The following TMBIM6 variants were observed in gnomAD, a reference collection of about 807,000 sequenced individuals.
The protein encoded by TMBIM6 is transmembrane BAX inhibitor motif containing 6.
In TMBIM6, 13 loss-of-function variants were observed where a neutral mutation model predicts 31.4. That is an observed-to-expected ratio of 0.41 (90% CI 0.27 to 0.66). TMBIM6 has a LOEUF of 0.66. Among genes scored for constraint, TMBIM6 ranks in the 30% least tolerant of loss-of-function variants. The pLI is 0.28. For missense variants in TMBIM6, 275 were observed against 289.5 expected, an observed-to-expected ratio of 0.95 and a Z score of 0.36; for synonymous variants, 85 against 101.7, an observed-to-expected ratio of 0.84 and a Z score of 0.99.
At chr12:49,742,946 A>G (rs1007128624) in intron 1 of TMBIM6, among the ~76,000 whole-genome samples, 1 of 141,264 alleles carries the variant, frequency 7.1e-6, no homozygotes, top group African/African-American at 2.6e-5. Context: ...TCCGTTATTT[A>G]TCTGGTTGTG....
intron 1 of TMBIM6, among the ~76,000 whole-genome samples, chr12:49,746,211 T>G (rs1170583745): frequency 6.6e-6 from 1 of 151,408 alleles, no homozygotes; most frequent in African/African-American, 2.4e-5. Context: ...GCCTCCCAAG[T>G]AGCTGGGATT....
In TMBIM6 at chr12:49,764,710, T is replaced by TAAAAAAAAA. The variant is rs917382791; in HGVS notation, c.*1818_*1826dup. 9.8e-6 allele frequency: 1 copy of TAAAAAAAAA among 101,780 alleles called. No homozygotes were observed. Among genetic ancestry groups the TAAAAAAAAA allele is most frequent in the Non-Finnish European group, 2.0e-5 (1 of 50,082 alleles). The allele number at this position is 101,780 out of a possible 1,614,324, so 6.3% of individuals were successfully genotyped here. On this transcript the variant is annotated 3_prime_UTR_variant, in exon 10 of 10. Transcript: ENST00000267115. Reference sequence around the variant, plus strand: ...AACAGTGCCAAGAATGACAAGATATTAAAAAAAAAAAAGAAAGAAAAAAAA... The same window carrying TAAAAAAAAA: ...AACAGTGCCAAGAATGACAAGATATTAAAAAAAAAAAAAAAAAAAAAGAAAGAAAAAAAA...
At chr12:49,746,450 A>G (rs1028717156) in intron 1 of TMBIM6, among the ~76,000 whole-genome samples, 1 of 152,220 alleles carries the variant, frequency 6.6e-6, no homozygotes, top group Admixed American at 6.5e-5. Flanking sequence ...TACACCAGTA[A>G]TAACAATGGT....
intron 9 of TMBIM6, 136 bp downstream of exon 9, chr12:49,761,915 G>C: frequency 1.2e-6 from 1 of 803,652 alleles, no homozygotes; most frequent in Non-Finnish European, 1.9e-6. Flanking sequence ...CTGAGTAAGA[G>C]GTAAGCCAGA....
chr12:49,752,850 T>C, intron 2 of TMBIM6, 123 bp from the exon 3 acceptor site: 1 of 937,152 alleles, frequency 1.1e-6, no homozygotes, highest in Admixed American at 2.7e-5. Flanking sequence ...CTAAAAGTAT[T>C]TCAAACTATT....
At chr12:49,755,584 A>T (rs771351905) in intron 3 of TMBIM6, 51 bp from the exon 4 acceptor site, 1 of 1,600,592 alleles carries the variant, frequency 6.2e-7, no homozygotes, top group Non-Finnish European at 8.5e-7. Flanking sequence ...CTTGCAAAAT[A>T]AATTTGAAAC....
At chr12:49,759,833 C>T (rs1260108065) in intron 8 of TMBIM6, among the ~76,000 whole-genome samples, 1 of 135,062 alleles carries the variant, frequency 7.4e-6, no homozygotes. Flanking sequence ...AGTGTGGGGG[C>T]CGGGCACGGT....
intron 3 of TMBIM6, 27 bp downstream of exon 3, chr12:49,753,108 C>T: frequency 6.3e-7 from 1 of 1,594,490 alleles, no homozygotes. Flanking sequence ...CTCCTGGTTG[C>T]TGTGGTACAA....
chr12:49,758,047 A>C (rs1483934071), intron 4 of TMBIM6, among the ~76,000 whole-genome samples, 180 bp from the exon 5 acceptor site: 1 of 152,130 alleles, frequency 6.6e-6, no homozygotes, highest in African/African-American at 2.4e-5. Flanking sequence ...AAAAAAAAAA[A>C]CAACGCAGTC....
intron 2 of TMBIM6, 39 bp from the exon 3 acceptor site, chr12:49,752,934 A>G: frequency 1.3e-6 from 2 of 1,566,546 alleles, no homozygotes; most frequent in Non-Finnish European, 1.8e-6. Flanking sequence ...TATGAGATTG[A>G]TCTGGGACTG....
At chr12:49,753,914 AC>A (rs1945541175) in intron 3 of TMBIM6, among the ~76,000 whole-genome samples, 1 of 145,804 alleles carries the variant, frequency 6.9e-6, no homozygotes, top group Admixed American at 6.8e-5. Flanking sequence ...CAAAATCAAT[AC>A]TCATGGCACT....
intron 4 of TMBIM6, among the ~76,000 whole-genome samples, chr12:49,756,726 TTTTTTTTG>T (rs1453681697): frequency 2.4e-4 from 35 of 147,516 alleles, no homozygotes; most frequent in African/African-American, 8.3e-4. Context: ...CACCCAGCGC[TTTTTTTTG>T]TTTTTTTGTT....
chr12:49,761,632 AT>A, intron 8 of TMBIM6, 71 bp from the exon 9 acceptor site: 1 of 1,461,452 alleles, frequency 6.8e-7, no homozygotes, highest in Non-Finnish European at 9.5e-7. Flanking sequence ...TGGGGTTTAT[AT>A]TCTGCATCTT....
intron 1 of TMBIM6, among the ~76,000 whole-genome samples, chr12:49,749,237 A>T (rs1945449800): frequency 6.6e-6 from 1 of 152,186 alleles, no homozygotes. Flanking sequence ...TCTAGAGCAA[A>T]CTATCATATT....
chr12:49,754,173 G>GT (rs1438704237), intron 3 of TMBIM6, among the ~76,000 whole-genome samples: 2 of 152,076 alleles, frequency 1.3e-5, no homozygotes, highest in Non-Finnish European at 2.9e-5. Context: ...GGTTTTTTGA[G>GT]TGGAGGTCTT....
Position 49,761,782 on chromosome 12 carries a change from T to A in TMBIM6, c.690+3T>A. 6.2e-7 allele frequency: 1 copy of A among 1,614,114 alleles called. No homozygotes were observed. The highest frequency in any genetic ancestry group is 1.1e-5 in the South Asian group (1 of 91,084). ...TGATCCTGGCCATGAATGAAAAGGT[T>A]AGTTAGCCTACAACCCAAAGATGAG... On this transcript the variant is annotated splice_donor_region_variant and intron_variant, in intron 9 of 9. Coordinates refer to ENST00000267115, the MANE Select transcript of TMBIM6 (RefSeq NM_003217.3).
At chr12:49,742,264 T>TG in intron 1 of TMBIM6, 1 of 1,604,502 alleles carries the variant, frequency 6.2e-7, no homozygotes, top group Non-Finnish European at 8.5e-7. Flanking sequence ...CTTTTCGGAT[T>TG]GGTTACCTTT....
In TMBIM6 at chr12:49,745,871, G is replaced by A. The variant is rs142611393; in HGVS notation, c.-31+4260G>A. Reference sequence around the variant, plus strand: ...TTTGCCCAACTTCAGACTAATGTAAGCGTTCTGGGCACATTTAAGGTAAGG... The same window carrying A: ...TTTGCCCAACTTCAGACTAATGTAAACGTTCTGGGCACATTTAAGGTAAGG... On this transcript the variant is annotated intron_variant, in intron 1 of 9. Coordinates refer to ENST00000267115, the MANE Select transcript of TMBIM6 (RefSeq NM_003217.3). Among the ~76,000 whole-genome samples the A allele has an allele frequency of 4.4e-3, 665 of 152,240 alleles. 5 individuals are homozygous for A. Among genetic ancestry groups the A allele is most frequent in the South Asian group, 8.5e-3 (41 of 4,830 alleles).
Position 49,755,668 on chromosome 12 carries a change from T to A in TMBIM6, c.199T>A (p.Leu67Met). 2 of 1,614,172 alleles carry A rather than the reference T, an allele frequency of 1.2e-6. No homozygotes were observed. The highest frequency in any genetic ancestry group is 1.7e-6 in the Non-Finnish European group (2 of 1,180,004). Residue 67 changes from leucine to methionine, a missense_variant, in exon 4 of 10, where the codon TTG becomes ATG. Transcript: ENST00000267115. The part of the protein sequence containing the change: ...GLLSALGSLI[L>M]MIWLMATPHS... ...GCTGTCTGCCTTGGGCTCCCTGATA[T>A]TGATGATTTGGCTGATGGCAACACC...
Sources: gnomAD v4.1 joint callset for allele counts (sites outside exome capture counted in the v4.1 genomes callset) on GRCh38, gnomAD v4.1.1 for gene constraint, MANE v1.5 for transcripts, NCBI Gene and HGNC (gene_info 2026-07-23, HGNC 2026-07-21) for gene names.